The following KALRN variants were observed in gnomAD, a reference collection of about 807,000 sequenced individuals.
KALRN encodes the protein kalirin.
A neutral mutation model predicts 353.7 loss-of-function variants in KALRN; 70 were observed. The observed-to-expected ratio is 0.20, with a 90% CI of 0.16 to 0.24. The LOEUF is 0.24. Ranked by LOEUF, KALRN falls within the 10% of genes least tolerant of loss-of-function variation. The probability of loss-of-function intolerance (pLI) is 1.00; values close to 1 mark genes in which losing one functional copy is unlikely to be tolerated. For synonymous variants in KALRN, 1,391 were observed against 1,434.8 expected, an observed-to-expected ratio of 0.97 and a Z score of 0.69; for missense variants, 2,791 against 3,756.7, an observed-to-expected ratio of 0.74 and a Z score of 6.72.
intron 43 of KALRN, among the ~76,000 whole-genome samples, chr3:124,660,228 C>T (rs933520837): frequency 5.3e-5 from 8 of 152,128 alleles, no homozygotes; most frequent in Non-Finnish European, 8.8e-5. Flanking sequence ...CCACTGTGCC[C>T]GGCCTAATTA....
intron 9 of KALRN, among the ~76,000 whole-genome samples, chr3:124,346,497 A>T (rs980998911): frequency 6.6e-6 from 1 of 152,192 alleles, no homozygotes; most frequent in South Asian, 2.1e-4. Flanking sequence ...TAAAGGACTT[A>T]GGATGCAAAC....
intron 33 of KALRN, chr3:124,518,683 C>A: frequency 7.0e-7 from 1 of 1,426,444 alleles, no homozygotes; most frequent in East Asian, 2.5e-5. Flanking sequence ...GGGTGCAATT[C>A]GAGGTTGCTG....
chr3:124,075,758 C>T (rs1428528485), intron 1 of KALRN, among the ~76,000 whole-genome samples: 1 of 152,234 alleles, frequency 6.6e-6, no homozygotes, highest in East Asian at 1.9e-4. Context: ...CTCTCTTTCT[C>T]TGAAATTTGG....
At position 124,393,541 on chromosome 3, in the gene KALRN, T is replaced by G. The variant is rs139188578; in HGVS notation, c.1963-1594T>G. Among the ~76,000 whole-genome samples, 175 of 152,350 alleles carry G rather than the reference T, an allele frequency of 1.1e-3. 4 individuals are homozygous for G. In the East Asian group the frequency reaches 0.029, roughly 25 times the overall value. ...TGAAAAGGAAATAAACTGAACTAAT[T>G]ACAACCAGACTTGCAAGCTGATAAA... On this transcript the variant is annotated intron_variant, in intron 11 of 59. Coordinates refer to ENST00000682506, the MANE Select transcript of KALRN (RefSeq NM_001388419.1).
chr3:124,570,056 C>CA (rs1377716748), intron 34 of KALRN, among the ~76,000 whole-genome samples: 1 of 152,174 alleles, frequency 6.6e-6, no homozygotes. Flanking sequence ...TGCCAGGAGC[C>CA]AAAATGCCAA....
chr3:124,072,144 G>A (rs1260567859), intron 1 of KALRN, among the ~76,000 whole-genome samples: 1 of 152,234 alleles, frequency 6.6e-6, no homozygotes, highest in East Asian at 1.9e-4. Context: ...CCAGATAAAT[G>A]TAGTGGGAGA....
At chr3:124,207,802 C>A (rs2076540875) in intron 1 of KALRN, among the ~76,000 whole-genome samples, 1 of 152,134 alleles carries the variant, frequency 6.6e-6, no homozygotes, top group Non-Finnish European at 1.5e-5. Context: ...GGAAGTAACC[C>A]TTAATAAATG....
chr3:124,297,430 T>A (rs1365919344), intron 5 of KALRN, among the ~76,000 whole-genome samples: 1 of 152,246 alleles, frequency 6.6e-6, no homozygotes, highest in Admixed American at 6.5e-5. Context: ...AGCCATTGTT[T>A]TTTGGTCCCT....
At chr3:124,588,957 G>A (rs951599751) in intron 34 of KALRN, among the ~76,000 whole-genome samples, 1 of 152,230 alleles carries the variant, frequency 6.6e-6, no homozygotes, top group Non-Finnish European at 1.5e-5. Context: ...AGAGGAAGGA[G>A]GTGGGACTTA....
intron 34 of KALRN, among the ~76,000 whole-genome samples, chr3:124,614,565 C>CT (rs34503439): frequency 0.48 from 67,582 of 141,500 alleles, 17,528 homozygotes; most frequent in African/African-American, 0.69. Context: ...TGGCTTTTTT[C>CT]TTTTTTTTTT....
chr3:124,637,150 A>G, intron 36 of KALRN, 58 bp from the exon 37 acceptor site: 1 of 1,347,676 alleles, frequency 7.4e-7, no homozygotes, highest in Non-Finnish European at 1.1e-6. Flanking sequence ...TTATTTCCTG[A>G]TCACTGTTCC....
chr3:124,612,259 A>G (rs964953198), intron 34 of KALRN, among the ~76,000 whole-genome samples: 1 of 152,030 alleles, frequency 6.6e-6, no homozygotes, highest in African/African-American at 2.4e-5. Flanking sequence ...GCTGGAGTGC[A>G]ATGGCATGAT....
chr3:124,097,084 C>A (rs2061501109), intron 1 of KALRN, among the ~76,000 whole-genome samples: 1 of 152,166 alleles, frequency 6.6e-6, no homozygotes, highest in Non-Finnish European at 1.5e-5. Flanking sequence ...TTATGTTGCC[C>A]AGTTCTGGTT....
chr3:124,064,286 A>T (rs908235318), intron 1 of KALRN, among the ~76,000 whole-genome samples: 1 of 151,970 alleles, frequency 6.6e-6, no homozygotes, highest in Non-Finnish European at 1.5e-5. Flanking sequence ...AACAAGTAGG[A>T]GTTTAAACTG....
intron 22 of KALRN, among the ~76,000 whole-genome samples, chr3:124,455,718 C>T (rs1215247989): frequency 6.6e-6 from 1 of 152,176 alleles, no homozygotes; most frequent in Admixed American, 6.5e-5. Flanking sequence ...TGTTAATCAG[C>T]AAATGATTAG....
chr3:124,481,963 G>A (rs1413619508), intron 27 of KALRN, among the ~76,000 whole-genome samples: 2 of 152,184 alleles, frequency 1.3e-5, no homozygotes, highest in Non-Finnish European at 2.9e-5. Context: ...TTTGAGGGGA[G>A]GGAGAAAAAT....
At chr3:124,407,730 A>G (rs1302378292) in intron 13 of KALRN, 1 of 152,208 alleles carries the variant, frequency 6.6e-6, no homozygotes, top group East Asian at 1.9e-4. Flanking sequence ...CTGAAACGAT[A>G]CAGAGATTAG....
chr3:124,381,405 C>T (rs988122445), intron 10 of KALRN, among the ~76,000 whole-genome samples: 8 of 152,036 alleles, frequency 5.3e-5, no homozygotes, highest in Non-Finnish European at 7.4e-5. Context: ...CATTGCACAC[C>T]GTGTCAAGAC....
intron 1 of KALRN, among the ~76,000 whole-genome samples, chr3:124,106,257 A>C (rs138624691): frequency 1.1e-4 from 16 of 152,320 alleles, no homozygotes; most frequent in African/African-American, 3.8e-4. Flanking sequence ...AAAGTGAAAA[A>C]TGAGGAAATG....
Sources: gnomAD v4.1 joint callset for allele counts (sites outside exome capture counted in the v4.1 genomes callset) on GRCh38, gnomAD v4.1.1 for gene constraint, MANE v1.5 for transcripts, NCBI Gene and HGNC (gene_info 2026-07-23, HGNC 2026-07-21) for gene names.